The following RELB variants were observed in gnomAD, a reference collection of about 807,000 sequenced individuals.
RELB encodes the protein transcription factor RelB.
RELB carries 14 observed loss-of-function variants against 55.4 expected under a neutral mutation model. The observed-to-expected ratio is 0.25, with a 90% CI of 0.17 to 0.40. RELB has a LOEUF of 0.40. Among genes scored for constraint, RELB ranks in the 10% least tolerant of loss-of-function variants. The pLI is 1.00. For missense variants in RELB, 669 were observed against 830.7 expected, an observed-to-expected ratio of 0.81 and a Z score of 2.39; for synonymous variants, 409 against 371.3, an observed-to-expected ratio of 1.10 and a Z score of -1.17.
chr19:45,019,806 T>C (rs941404569), intron 4 of RELB, among the ~76,000 whole-genome samples: 2 of 152,086 alleles, frequency 1.3e-5, no homozygotes, highest in Non-Finnish European at 2.9e-5. Flanking sequence ...GCCTCCCGAG[T>C]AGCTGGGACT....
intron 4 of RELB, among the ~76,000 whole-genome samples, chr19:45,017,259 TG>T: frequency 6.6e-6 from 1 of 152,256 alleles, no homozygotes; most frequent in Admixed American, 6.5e-5. Flanking sequence ...CTAACGGGGC[TG>T]GTTTTTATTT....
At chr19:45,011,303 C>A (rs566434562) in intron 3 of RELB, among the ~76,000 whole-genome samples, 94 of 152,206 alleles carry the variant, frequency 6.2e-4, no homozygotes, top group African/African-American at 2.1e-3. Flanking sequence ...GCTGGGACTA[C>A]AGGCACGTGC....
rs763823095 is a variant in RELB, at chr19:45,037,421, G to C, written c.1371G>C (p.Pro457=). Reference sequence around the variant, plus strand: ...TCCCCGTAGGCCCGTTCCTCCCGCCGTCAGCCCTGCTGCCAGACCCTGACT... The same window carrying C: ...TCCCCGTAGGCCCGTTCCTCCCGCCCTCAGCCCTGCTGCCAGACCCTGACT... The part of the protein sequence containing the change: ...PNHGSGPFLP[P]SALLPDPDFF... Residue 457 remains proline, a synonymous_variant, in exon 12 of 12, where the codon CCG becomes CCC. Coordinates refer to ENST00000221452, the MANE Select transcript of RELB (RefSeq NM_006509.4). 6.3e-6 allele frequency: 10 copies of C among 1,583,140 alleles called. No homozygotes were observed. The Admixed American group carries it at 1.1e-4, about 17-fold the overall frequency.
At chr19:45,034,392 C>A (rs1204107841) in intron 10 of RELB, 59 bp from the exon 11 acceptor site, 5 of 1,609,102 alleles carry the variant, frequency 3.1e-6, no homozygotes, top group Non-Finnish European at 4.3e-6. Context: ...CTGTCCCACC[C>A]CAGGCTGGGG....
chr19:45,029,065 G>A, intron 8 of RELB, 73 bp downstream of exon 8: 2 of 1,013,920 alleles, frequency 2.0e-6, no homozygotes, highest in Non-Finnish European at 3.0e-6. Flanking sequence ...GGGAGCCCGG[G>A]AAGATGAAAG....
chr19:45,016,653 A>G (rs1169657598), intron 4 of RELB, among the ~76,000 whole-genome samples: 1 of 152,166 alleles, frequency 6.6e-6, no homozygotes, highest in Non-Finnish European at 1.5e-5. Flanking sequence ...ACCTCGTCTC[A>G]AAAAAGAAAA....
At chr19:45,021,934 T>G (rs1971493836) in intron 4 of RELB, 119 bp from the exon 5 acceptor site, 1 of 1,016,106 alleles carries the variant, frequency 9.8e-7, no homozygotes, top group African/African-American at 1.6e-5. Context: ...GTTGGGGAGC[T>G]CCCAACAGAG....
At chr19:45,002,730 T>C (rs1459431199) in intron 1 of RELB, among the ~76,000 whole-genome samples, 11 of 152,018 alleles carry the variant, frequency 7.2e-5, no homozygotes, top group Admixed American at 7.2e-4. Flanking sequence ...GAGCGGGCCC[T>C]GAGTGTGATG....
Position 45,012,087 on chromosome 19 carries a change from G to T in RELB, c.315G>T (p.Pro105=). The change falls in exon 4 of 12, where the codon CCG becomes CCT. Residue 105 remains proline, a synonymous_variant. Transcript: ENST00000221452. ...CTGTGGCGCCCCCAGCCACGCCGCC[G>T]CCTTGGGGCTGCCCCCTGGGCCGAC... The part of the protein sequence containing the change: ...LGPVAPPATP[P]PWGCPLGRLV... 1 of 1,551,774 alleles carries T rather than the reference G, an allele frequency of 6.4e-7. No homozygotes were observed. The highest frequency in any genetic ancestry group is 2.3e-4 in the Middle Eastern group (1 of 4,336).
chr19:45,002,501 C>T (rs543461852), intron 1 of RELB, among the ~76,000 whole-genome samples: 16 of 152,072 alleles, frequency 1.1e-4, no homozygotes, highest in African/African-American at 3.9e-4. Flanking sequence ...TACAGGTGCC[C>T]GCCACCACAC....
Position 45,025,435 on chromosome 19 carries a change from C to T in RELB, c.754+15C>T. On this transcript the variant is annotated intron_variant, in intron 6 of 11. Coordinates refer to ENST00000221452, the MANE Select transcript of RELB (RefSeq NM_006509.4). ...CCCCTACAACGGTGAGCACCCCCTG[C>T]CTGACCTGACCATCCCGTCCTCCCA... is the stretch of plus-strand genomic sequence containing the variant. The T allele has an allele frequency of 6.2e-7, 1 of 1,603,068 alleles. No homozygotes were observed. The highest frequency in any genetic ancestry group is 8.5e-7 in the Non-Finnish European group (1 of 1,173,000).
rs767385251 is a variant in RELB at position 45,034,526 on chromosome 19, C to T, written c.1352C>T (p.Ser451Leu). Residue 451 changes from serine to leucine, a missense_variant and splice_region_variant, in exon 11 of 12, where the codon TCA becomes TTA. By Grantham distance (145) the Ser-to-Leu change is moderately radical. Transcript: ENST00000221452. ...GACCACTTCCTGCCCAACCACGGCT[C>T]AGGTGGGTCCCAGCTACACATAAGC... ...ILDHFLPNHGSGPFLPPSALL... is the reference protein window; with the variant it reads ...ILDHFLPNHGLGPFLPPSALL... 2 of 1,597,854 alleles carry T rather than the reference C, an allele frequency of 1.3e-6. No homozygotes were observed. Among genetic ancestry groups the T allele is most frequent in the Admixed American group, 1.7e-5 (1 of 57,288 alleles).
At chr19:45,003,059 C>A (rs1971234402) in intron 2 of RELB, 63 bp downstream of exon 2, 1 of 1,492,440 alleles carries the variant, frequency 6.7e-7, no homozygotes. Context: ...GAGGACTCCA[C>A]AGAGATGTCT....
intron 8 of RELB, chr19:45,032,322 G>A: frequency 2.0e-6 from 1 of 510,114 alleles, no homozygotes; most frequent in Non-Finnish European, 3.6e-6. Flanking sequence ...CGGAGGCTGA[G>A]GCAGGAGAAT....
intron 7 of RELB, among the ~76,000 whole-genome samples, chr19:45,026,622 C>T (rs1473168315): frequency 6.6e-6 from 1 of 152,006 alleles, no homozygotes; most frequent in Non-Finnish European, 1.5e-5. Flanking sequence ...ACAACTATAC[C>T]AGGCAGCCCA....
Position 45,034,255 on chromosome 19 carries a change from G to A in RELB, c.1219G>A (p.Val407Met). 5.6e-6 allele frequency: 9 copies of A among 1,613,750 alleles called. No individual in the cohort carries two copies. The highest frequency in any genetic ancestry group is 2.2e-5 in the East Asian group (1 of 44,884). The change falls in exon 10 of 12, where the codon GTG becomes ATG. Residue 407 changes from valine (V) to methionine (M), a missense_variant. Val to Met is a conservative substitution (Grantham distance 21, BLOSUM62 1). This residue lies in a region of RELB where 341 missense variants were observed against 436.8 expected (regional missense o/e 0.78). Transcript: ENST00000221452. ...YLPRDHDSYG[V>M]DKKRKRGMPD... The stretch of plus-strand genomic sequence containing the variant: ...TATCTCCTTAACAGACAGCTACGGC[G>A]TGGACAAGAAGCGGAAACGGGGGAT...
At chr19:45,018,301 G>A (rs1971445172) in intron 4 of RELB, among the ~76,000 whole-genome samples, 1 of 152,112 alleles carries the variant, frequency 6.6e-6, no homozygotes, top group African/African-American at 2.4e-5. Context: ...CTACTCGAGA[G>A]GCTGAGGCAG....
At chr19:45,031,011 A>G (rs1971614564) in intron 8 of RELB, among the ~76,000 whole-genome samples, 1 of 152,086 alleles carries the variant, frequency 6.6e-6, no homozygotes, top group Non-Finnish European at 1.5e-5. Context: ...TACCTTCTTC[A>G]TAGAGTTGTT....
chr19:45,007,884 T>G (rs1971301418), intron 2 of RELB, among the ~76,000 whole-genome samples: 1 of 132,552 alleles, frequency 7.5e-6, no homozygotes, highest in Non-Finnish European at 1.6e-5. Flanking sequence ...AGGCTGGGCG[T>G]GGTGGCTCAC....
Sources: allele counts gnomAD v4.1 joint callset (sites outside exome capture counted in the v4.1 genomes callset), GRCh38; gene constraint gnomAD v4.1.1; regional missense constraint gnomAD v4.1.1; transcripts MANE v1.5; gene names NCBI Gene and HGNC (gene_info 2026-07-23, HGNC 2026-07-21).